The following PTPRS variants were observed in gnomAD, a reference collection of about 807,000 sequenced individuals.
PTPRS encodes the protein receptor-type tyrosine-protein phosphatase S.
In PTPRS, 63 loss-of-function variants were observed where a neutral mutation model predicts 215.3. That is an observed-to-expected ratio of 0.29 (90% CI 0.24 to 0.36). The LOEUF is 0.36. PTPRS is among the 10% of genes least tolerant of loss of function. The probability of loss-of-function intolerance (pLI) is 1.00; values close to 1 mark genes in which losing one functional copy is unlikely to be tolerated. For missense variants in PTPRS, 2,258 were observed against 2,825.8 expected, an observed-to-expected ratio of 0.80 and a Z score of 4.56; for synonymous variants, 1,404 against 1,191.4, an observed-to-expected ratio of 1.18 and a Z score of -3.68.
intron 37 of PTPRS, 47 bp from the exon 38 acceptor site, chr19:5,206,889 C>G: frequency 6.5e-7 from 1 of 1,548,352 alleles, no homozygotes; most frequent in Non-Finnish European, 8.9e-7. Context: ...GCTCTAACGC[C>G]TCCCAGGGCT....
At chr19:5,277,566 G>C (rs1402393310) in intron 2 of PTPRS, among the ~76,000 whole-genome samples, 3 of 151,462 alleles carry the variant, frequency 2.0e-5, no homozygotes, top group Non-Finnish European at 4.4e-5. Flanking sequence ...TGAGGCAGGA[G>C]AATGGAGTGA....
chr19:5,220,761 C>G (rs951465144), intron 20 of PTPRS, among the ~76,000 whole-genome samples: 1 of 152,152 alleles, frequency 6.6e-6, no homozygotes, highest in Non-Finnish European at 1.5e-5. Context: ...TAGTAATACC[C>G]AGTGGAGGGT....
chr19:5,208,478 T>C, intron 35 of PTPRS, 87 bp from the exon 36 acceptor site: 1 of 1,234,122 alleles, frequency 8.1e-7, no homozygotes. Flanking sequence ...ACCCCCATTT[T>C]TTGTTTGTTT....
intron 28 of PTPRS, 30 bp from the exon 29 acceptor site, chr19:5,214,766 G>A (rs1170941450): frequency 1.3e-6 from 2 of 1,577,612 alleles, no homozygotes; most frequent in Non-Finnish European, 8.6e-7. Context: ...CCAGGGATCT[G>A]TGGGGGCTGT....
At chr19:5,238,758 G>A (rs555061257) in intron 13 of PTPRS, among the ~76,000 whole-genome samples, 161 bp downstream of exon 13, 34 of 152,370 alleles carry the variant, frequency 2.2e-4, no homozygotes, top group Middle Eastern at 3.4e-3. Flanking sequence ...GAGGCACAGC[G>A]CGGGTAGATG....
intron 1 of PTPRS, among the ~76,000 whole-genome samples, chr19:5,296,146 C>T (rs988541004): frequency 8.5e-5 from 13 of 152,138 alleles, no homozygotes; most frequent in African/African-American, 2.9e-4. Flanking sequence ...GACAAAGATC[C>T]CTGCCCTCAG....
intron 18 of PTPRS, among the ~76,000 whole-genome samples, chr19:5,222,424 G>A (rs1188198677): frequency 1.3e-5 from 2 of 151,074 alleles, no homozygotes; most frequent in African/African-American, 2.4e-5. Context: ...GACGGCACGG[G>A]TGCAGAGGCT....
rs746262412 is a variant in PTPRS at position 5,206,748 on chromosome 19, T to C, written c.*26A>G. The C allele has an allele frequency of 4.4e-6, 7 of 1,607,250 alleles. No homozygotes were observed. The South Asian group carries it at 7.7e-5, about 18-fold the overall frequency. On this transcript the variant is annotated 3_prime_UTR_variant, in exon 38 of 38. Transcript: ENST00000262963. ...GGGCAGAGGCATCCGGGGCCAGTGGTGTCGGGCCTGGGGGGAACCATGGCT... is the reference window on the plus strand; with the variant it reads ...GGGCAGAGGCATCCGGGGCCAGTGGCGTCGGGCCTGGGGGGAACCATGGCT...
chr19:5,240,126 G>A, intron 12 of PTPRS, 73 bp downstream of exon 12: 1 of 1,407,918 alleles, frequency 7.1e-7, no homozygotes, highest in Non-Finnish European at 9.3e-7. Context: ...AGGGGGAAGA[G>A]ACAAGGCGGG....
intron 13 of PTPRS, among the ~76,000 whole-genome samples, chr19:5,236,217 C>T (rs574871697): frequency 3.9e-5 from 6 of 152,300 alleles, no homozygotes; most frequent in African/African-American, 1.4e-4. Context: ...TTGTATAACA[C>T]CTCTCAATCT....
chr19:5,226,577 CAAA>C (rs537275736), intron 16 of PTPRS, among the ~76,000 whole-genome samples: 5 of 106,344 alleles, frequency 4.7e-5, no homozygotes, highest in Admixed American at 1.9e-4. Context: ...CTAAAAATAC[CAAA>C]AAAAAAAAAA....
At chr19:5,286,519 G>A (rs2048365047) in intron 1 of PTPRS, 1 of 258,450 alleles carries the variant, frequency 3.9e-6, no homozygotes. Flanking sequence ...TGAGAGCAGA[G>A]ACCTCATGAA....
intron 7 of PTPRS, among the ~76,000 whole-genome samples, chr19:5,259,265 C>T (rs536243943): frequency 1.3e-3 from 196 of 152,324 alleles, no homozygotes; most frequent in African/African-American, 4.6e-3. Context: ...CCCCTCAATA[C>T]ATTTGAAATC....
intron 1 of PTPRS, among the ~76,000 whole-genome samples, chr19:5,326,365 AACAG>A (rs1448624092): frequency 6.6e-6 from 1 of 152,216 alleles, no homozygotes; most frequent in Non-Finnish European, 1.5e-5. Context: ...TTCAGCCTGG[AACAG>A]ACAGAGGCAA....
In PTPRS at chr19:5,305,939, CA is replaced by C. The variant is rs35165317; in HGVS notation, c.-94-19706del. ...TGGGCGACAGAGCAAGACTCCGTCT[CA>C]AAAAAAAAAAAAAAAAAAAAAAAAA... On this transcript the variant is annotated intron_variant, in intron 1 of 37. Transcript: ENST00000262963. Among the ~76,000 whole-genome samples the C allele has an allele frequency of 0.012, 276 of 22,578 alleles. No individual in the cohort carries two copies. In the East Asian group the frequency reaches 0.13, roughly 10 times the overall value. 14.8% of individuals were successfully genotyped at this position (22,578 alleles called of 152,430 possible). A position where few individuals can be genotyped will look rare whatever the true frequency, so the allele number is the denominator to read the frequency against.
intron 1 of PTPRS, among the ~76,000 whole-genome samples, chr19:5,305,254 A>T (rs34380175): frequency 0.17 from 25,610 of 152,162 alleles, 2,838 homozygotes; most frequent in Non-Finnish European, 0.25. Context: ...TCCTCAGAAC[A>T]GCTATTATTT....
rs889767726 is a variant in PTPRS, at chr19:5,338,429, G to C, written c.-95+2235C>G. On this transcript the variant is annotated intron_variant, in intron 1 of 37. Transcript: ENST00000262963. The surrounding 1 kb of genome is among the most constrained non-coding windows in gnomAD (Gnocchi z 4.2). ...GGCCTGGGGAACAGGGCAGGACCCT[G>C]CTTCCCGGAGGGAAATAATGAAGAC... Among the ~76,000 whole-genome samples, 2 of 152,172 alleles carry C rather than the reference G, an allele frequency of 1.3e-5. No individual in the cohort carries two copies. Among genetic ancestry groups the C allele is most frequent in the African/African-American group, 4.8e-5 (2 of 41,446 alleles).
intron 12 of PTPRS, among the ~76,000 whole-genome samples, chr19:5,239,431 GAGAC>G (rs1179241052): frequency 4.6e-5 from 7 of 151,276 alleles, no homozygotes; most frequent in Admixed American, 3.3e-4. Flanking sequence ...ACAAAGGAGA[GAGAC>G]AGACACAGAG....
At chr19:5,256,072 G>C in intron 9 of PTPRS, 36 bp downstream of exon 9, 1 of 1,498,666 alleles carries the variant, frequency 6.7e-7, no homozygotes, top group Non-Finnish European at 9.2e-7. Flanking sequence ...GTAAAAATGT[G>C]GGTAAAGAAA....
Sources: gnomAD v4.1 joint callset for allele counts (sites outside exome capture counted in the v4.1 genomes callset) on GRCh38, gnomAD v4.1.1 for gene constraint, Gnocchi (gnomAD v3.1) non-coding constraint, MANE v1.5 for transcripts, NCBI Gene and HGNC (gene_info 2026-07-23, HGNC 2026-07-21) for gene names.